Variants in BCL6 observed in about 807,000 individuals in gnomAD.
BCL6 encodes BCL6 transcription repressor.
A neutral mutation model predicts 59.5 loss-of-function variants in BCL6; 7 were observed. The observed-to-expected ratio is 0.12, with a 90% CI of 0.07 to 0.22. BCL6 has a LOEUF of 0.22. Ranked by LOEUF, BCL6 falls within the 10% of genes least tolerant of loss-of-function variation. BCL6 has a pLI of 1.00. For missense variants in BCL6, 685 were observed against 939.4 expected, an observed-to-expected ratio of 0.73 and a Z score of 3.54; for synonymous variants, 339 against 349.7, an observed-to-expected ratio of 0.97 and a Z score of 0.34.
chr3:187,745,122 A>G (rs182227647), intron 1 of BCL6, among the ~76,000 whole-genome samples: 6 of 152,176 alleles, frequency 3.9e-5, no homozygotes, highest in South Asian at 2.1e-4. Flanking sequence ...AAAGACAACA[A>G]TAATAATAAT....
At chr3:187,744,784 G>C (rs1711820064) in intron 1 of BCL6, among the ~76,000 whole-genome samples, 1 of 150,552 alleles carries the variant, frequency 6.6e-6, no homozygotes, top group East Asian at 2.0e-4. Flanking sequence ...AAAGAGGAGG[G>C]AGGGAAGCGG....
At chr3:187,742,810 T>A (rs1030394797) in intron 1 of BCL6, among the ~76,000 whole-genome samples, 7 of 152,142 alleles carry the variant, frequency 4.6e-5, no homozygotes, top group East Asian at 1.9e-4. Context: ...TCGTCTTTTT[T>A]AAAAAAGTAT....
At chr3:187,741,276 T>TC (rs553930923) in intron 1 of BCL6, among the ~76,000 whole-genome samples, 65 of 152,246 alleles carry the variant, frequency 4.3e-4, no homozygotes, top group African/African-American at 1.5e-3. Flanking sequence ...AGTTGATTTC[T>TC]CCCCCAGCCT....
intron 1 of BCL6, among the ~76,000 whole-genome samples, chr3:187,744,509 T>A (rs559162459): frequency 6.6e-6 from 1 of 151,740 alleles, no homozygotes; most frequent in South Asian, 2.1e-4. Flanking sequence ...TCGGCTCTCA[T>A]TAGGAAGATC....
At chr3:187,744,908 G>T (rs889890281) in intron 1 of BCL6, among the ~76,000 whole-genome samples, 2 of 152,054 alleles carry the variant, frequency 1.3e-5, no homozygotes, top group Admixed American at 6.6e-5. Flanking sequence ...AGCAGAAAGA[G>T]CGAGAGCGCG....
intron 9 of BCL6, chr3:187,724,638 G>A: frequency 2.7e-6 from 1 of 368,132 alleles, no homozygotes; most frequent in South Asian, 3.6e-5. Flanking sequence ...TCTAGGTGGA[G>A]TGAATCAAGT....
intron 1 of BCL6, among the ~76,000 whole-genome samples, chr3:187,744,656 C>T (rs956152682): frequency 6.6e-6 from 1 of 152,162 alleles, no homozygotes; most frequent in South Asian, 2.1e-4. Context: ...GGCAGGGAAT[C>T]TAAAAGACCG....
chr3:187,743,985 C>T (rs955179489), intron 1 of BCL6, among the ~76,000 whole-genome samples: 1 of 152,182 alleles, frequency 6.6e-6, no homozygotes, highest in Non-Finnish European at 1.5e-5. Context: ...TTCTCTCCTC[C>T]TGAGTCTTGC....
At chr3:187,726,437 T>C (rs555971584) in intron 7 of BCL6, among the ~76,000 whole-genome samples, 185 of 152,352 alleles carry the variant, frequency 1.2e-3, no homozygotes, top group Non-Finnish European at 1.8e-3. Context: ...CTATTTGTCT[T>C]TCCCAGACTT....
intron 1 of BCL6, 30 bp downstream of exon 1, chr3:187,745,380 A>AGCAGCG (rs1342723117): frequency 7.5e-6 from 3 of 402,680 alleles, no homozygotes; most frequent in Non-Finnish European, 1.3e-5. Flanking sequence ...CAGTAGCAGC[A>AGCAGCG]GCAGCGGCGG....
chr3:187,727,032 T>C, intron 6 of BCL6, 134 bp from the exon 7 acceptor site: 4 of 993,872 alleles, frequency 4.0e-6, no homozygotes, highest in Non-Finnish European at 5.9e-6. Context: ...CCGACATTCA[T>C]GGGAGCTCGG....
chr3:187,732,825 T>C (rs775696930), intron 3 of BCL6, among the ~76,000 whole-genome samples: 3 of 152,250 alleles, frequency 2.0e-5, no homozygotes, highest in Non-Finnish European at 2.9e-5. Flanking sequence ...TAAGCCTCTG[T>C]TATTTCCACT....
chr3:187,745,055 A>C (rs540272600), intron 1 of BCL6, among the ~76,000 whole-genome samples: 1 of 151,814 alleles, frequency 6.6e-6, no homozygotes, highest in African/African-American at 2.4e-5. Flanking sequence ...CCTTTCCAAA[A>C]ACCAAAACAA....
chr3:187,722,533 G>T lies in BCL6; in HGVS notation c.2046C>A (p.Gly682=). 1 of 1,614,056 alleles carries T rather than the reference G, an allele frequency of 6.2e-7. No homozygotes were observed. The highest frequency in any genetic ancestry group is 8.5e-7 in the Non-Finnish European group (1 of 1,180,004). ...QLRLHLRQKH[G]AITNTKVQYR... The stretch of plus-strand genomic sequence containing the variant: ...ATTGCACCTTGGTGTTGGTGATGGC[G>T]CCATGCTTCTGGCGCAAGTGAAGTC... The change falls in exon 10 of 10, where the codon GGC becomes GGA. Residue 682 remains glycine (G), a synonymous_variant. Transcript: ENST00000406870.
chr3:187,722,233 A>C lies in BCL6; in HGVS notation c.*225T>G, dbSNP rs566393544. The C allele has an allele frequency of 6.8e-5, 33 of 486,594 alleles. No individual in the cohort carries two copies. The Admixed American group carries it at 9.7e-4, about 14-fold the overall frequency. 30.1% of individuals were successfully genotyped at this position (486,594 alleles called of 1,614,324 possible). On this transcript the variant is annotated 3_prime_UTR_variant, in exon 10 of 10. Coordinates refer to ENST00000406870, the MANE Select transcript of BCL6 (RefSeq NM_001706.5). The stretch of plus-strand genomic sequence containing the variant: ...TGGTTCACCTTACACATAGGAGAAG[A>C]AGCAATATGATTTTCTTAATGTTTT...
At chr3:187,740,426 A>G (rs1711545137) in intron 1 of BCL6, among the ~76,000 whole-genome samples, 1 of 152,032 alleles carries the variant, frequency 6.6e-6, no homozygotes, top group Non-Finnish European at 1.5e-5. Flanking sequence ...ATTACCGAAA[A>G]TCTTAGGCCA....
At chr3:187,722,688 C>A (rs1005462811) in intron 9 of BCL6, 87 bp from the exon 10 acceptor site, 6 of 1,524,642 alleles carry the variant, frequency 3.9e-6, no homozygotes, top group Non-Finnish European at 5.3e-6. Flanking sequence ...AAGATTCTCC[C>A]TACGAGGGAC....
In BCL6 at chr3:187,725,435, C is replaced by A; in HGVS notation, c.1839+64G>T. 6.3e-7 allele frequency: 1 copy of A among 1,590,798 alleles called. No individual in the cohort carries two copies. Among genetic ancestry groups the A allele is most frequent in the South Asian group, 1.1e-5 (1 of 89,076 alleles). ...GCCCACTCCTCCGCTTGCCTGCCCACTCCTCCGCTCGCCTGCCCGCTCCGC... is the reference window on the plus strand; with the variant it reads ...GCCCACTCCTCCGCTTGCCTGCCCAATCCTCCGCTCGCCTGCCCGCTCCGC... On this transcript the variant is annotated intron_variant, in intron 8 of 9. Transcript: ENST00000406870. The surrounding 1 kb of genome is among the most constrained non-coding windows in gnomAD (Gnocchi z 4.7).
At chr3:187,728,968 A>G (rs1022268980) in intron 5 of BCL6, 82 bp downstream of exon 5, 5 of 1,488,622 alleles carry the variant, frequency 3.4e-6, no homozygotes, top group Admixed American at 2.3e-5. Context: ...AGGCTCAGCA[A>G]TTCAGGCAAG....
Sources: allele counts gnomAD v4.1 joint callset (sites outside exome capture counted in the v4.1 genomes callset), GRCh38; gene constraint gnomAD v4.1.1; non-coding constraint Gnocchi (gnomAD v3.1); transcripts MANE v1.5; gene names NCBI Gene and HGNC (gene_info 2026-07-23, HGNC 2026-07-21).